Variants in SND1 observed in about 807,000 individuals in gnomAD.
SND1 encodes the protein staphylococcal nuclease and tudor domain containing 1.
SND1 carries 38 observed loss-of-function variants against 121.7 expected under a neutral mutation model. The ratio of observed to expected loss-of-function variants is 0.31; its 90% CI spans 0.24 to 0.41. The LOEUF is 0.41. SND1 is among the 10% of genes least tolerant of loss of function. The pLI is 1.00. For missense variants in SND1, 868 were observed against 1,184.6 expected, an observed-to-expected ratio of 0.73 and a Z score of 3.92; for synonymous variants, 401 against 447.4, an observed-to-expected ratio of 0.90 and a Z score of 1.31.
Position 127,939,610 on chromosome 7 carries a change from T to C in SND1, c.1669+10281T>C, listed in dbSNP as rs374701904. The stretch of plus-strand genomic sequence containing the variant: ...GAGGTGAGGGAGACAGCAAGGCCGA[T>C]GTGGCATTTATGTGCCAGCCTATCT... On this transcript the variant is annotated intron_variant, in intron 15 of 23. Transcript: ENST00000354725. 2.9e-4 allele frequency among the ~76,000 whole-genome samples: 44 copies of C among 152,294 alleles called. No individual in the cohort carries two copies. In the East Asian group the frequency reaches 8.1e-3, roughly 28 times the overall value.
chr7:127,823,121 G>A (rs1397228351), intron 11 of SND1, among the ~76,000 whole-genome samples: 2 of 152,200 alleles, frequency 1.3e-5, no homozygotes, highest in Non-Finnish European at 2.9e-5. Flanking sequence ...CTGAGTGAGA[G>A]ACAGAAGGGG....
At chr7:127,796,152 G>A (rs1010746301) in intron 10 of SND1, among the ~76,000 whole-genome samples, 4 of 151,856 alleles carry the variant, frequency 2.6e-5, no homozygotes, top group Admixed American at 6.6e-5. Context: ...ATTGATTAAT[G>A]GACTTATCTA....
At chr7:127,663,627 C>T (rs984548370) in intron 1 of SND1, among the ~76,000 whole-genome samples, 4 of 152,158 alleles carry the variant, frequency 2.6e-5, no homozygotes, top group African/African-American at 7.2e-5. Context: ...CCGCCTACCT[C>T]GGCCTCCCAA....
chr7:128,030,839 C>T (rs1171704909), intron 16 of SND1: 3 of 596,340 alleles, frequency 5.0e-6, no homozygotes, highest in Non-Finnish European at 8.5e-6. Context: ...CCCAACCCAC[C>T]CTCAAGGCAA....
intron 11 of SND1, among the ~76,000 whole-genome samples, chr7:127,822,541 T>A (rs1402076965): frequency 6.6e-6 from 1 of 152,222 alleles, no homozygotes; most frequent in Non-Finnish European, 1.5e-5. Context: ...TAAATAACAT[T>A]TACTGCTCAT....
chr7:127,729,396 G>A (rs1401893721), intron 10 of SND1, among the ~76,000 whole-genome samples: 4 of 148,910 alleles, frequency 2.7e-5, no homozygotes, highest in Admixed American at 2.7e-4. Flanking sequence ...TTATTTATGA[G>A]ATACTGATTG....
At chr7:127,688,139 C>T (rs1795848936) in intron 2 of SND1, among the ~76,000 whole-genome samples, 1 of 152,000 alleles carries the variant, frequency 6.6e-6, no homozygotes, top group South Asian at 2.1e-4. Context: ...TAGTTAAGAA[C>T]CATTGTTTTA....
chr7:128,030,837 AC>A, intron 16 of SND1: 2 of 595,466 alleles, frequency 3.4e-6, no homozygotes, highest in Non-Finnish European at 5.6e-6. Flanking sequence ...CTCCCAACCC[AC>A]CCTCAAGGCA....
At chr7:127,682,052 C>T (rs1169719931) in intron 1 of SND1, among the ~76,000 whole-genome samples, 1 of 152,080 alleles carries the variant, frequency 6.6e-6, no homozygotes, top group African/African-American at 2.4e-5. Context: ...TCTGTACCAT[C>T]CTTTTCTTTG....
intron 12 of SND1, among the ~76,000 whole-genome samples, chr7:127,865,174 G>A (rs748546996): frequency 1.2e-4 from 18 of 151,148 alleles, no homozygotes; most frequent in Non-Finnish European, 2.4e-4. Flanking sequence ...TTACATTAGT[G>A]TATCCCTCTG....
At chr7:128,013,376 T>C (rs1196307327) in intron 16 of SND1, among the ~76,000 whole-genome samples, 1 of 152,224 alleles carries the variant, frequency 6.6e-6, no homozygotes, top group Non-Finnish European at 1.5e-5. Flanking sequence ...AGGGTGCGGA[T>C]CACTATACTG....
chr7:127,765,414 T>A (rs1041355208), intron 10 of SND1, among the ~76,000 whole-genome samples: 1 of 152,222 alleles, frequency 6.6e-6, no homozygotes, highest in African/African-American at 2.4e-5. Context: ...CTCAGACATC[T>A]TCTTTGTGTT....
intron 16 of SND1, among the ~76,000 whole-genome samples, chr7:128,004,783 C>A (rs1369516567): frequency 1.3e-5 from 2 of 152,168 alleles, no homozygotes; most frequent in Non-Finnish European, 2.9e-5. Flanking sequence ...CTGCATAAGG[C>A]CGTATTTACA....
At chr7:128,068,468 G>GT (rs1386119257) in intron 16 of SND1, among the ~76,000 whole-genome samples, 1 of 152,170 alleles carries the variant, frequency 6.6e-6, no homozygotes, top group Non-Finnish European at 1.5e-5. Context: ...GAAGGACTTG[G>GT]TCCCCACTGC....
Position 127,985,311 on chromosome 7 carries a change from G to A in SND1, c.1670-5636G>A, listed in dbSNP as rs151276686. Among the ~76,000 whole-genome samples, 1,194 of 152,334 alleles carry A rather than the reference G, an allele frequency of 7.8e-3. 17 individuals carry two copies. Among genetic ancestry groups the A allele is most frequent in the African/African-American group, 0.027 (1,115 of 41,576 alleles). ...ATGCACTTCTAGCCCGGGCTAGAGT[G>A]CAGTGGTACAATCTCAGCTCACTGC... On this transcript the variant is annotated intron_variant, in intron 15 of 23. Transcript: ENST00000354725.
intron 10 of SND1, among the ~76,000 whole-genome samples, chr7:127,743,530 T>G (rs1232403351): frequency 6.6e-6 from 1 of 152,204 alleles, no homozygotes; most frequent in Non-Finnish European, 1.5e-5. Context: ...CTCCTTCTCT[T>G]CCCTCCTCTG....
intron 16 of SND1, chr7:128,028,395 T>G (rs1229283747): frequency 3.1e-6 from 1 of 323,864 alleles, no homozygotes; most frequent in Non-Finnish European, 5.7e-6. Context: ...ATTTCAACCT[T>G]ATACCAGAAA....
chr7:127,991,773 T>C (rs1802529995), intron 16 of SND1, among the ~76,000 whole-genome samples: 1 of 152,164 alleles, frequency 6.6e-6, no homozygotes, highest in Admixed American at 6.6e-5. Context: ...GGTACAAGAT[T>C]ATAGGGTCCT....
intron 12 of SND1, among the ~76,000 whole-genome samples, chr7:127,862,361 C>T (rs1265480756): frequency 3.3e-5 from 5 of 152,074 alleles, no homozygotes; most frequent in African/African-American, 1.2e-4. Context: ...GTTTTTTGCC[C>T]TGGAATCCGG....
Sources: gnomAD v4.1 joint callset for allele counts (sites outside exome capture counted in the v4.1 genomes callset) on GRCh38, gnomAD v4.1.1 for gene constraint, MANE v1.5 for transcripts, NCBI Gene and HGNC (gene_info 2026-07-23, HGNC 2026-07-21) for gene names.